The following SEMA5B variants were observed in gnomAD, a reference collection of about 807,000 sequenced individuals.
SEMA5B encodes the protein semaphorin 5B.
SEMA5B carries 66 observed loss-of-function variants against 135.0 expected under a neutral mutation model. The ratio of observed to expected loss-of-function variants is 0.49; its 90% confidence interval spans 0.40 to 0.60. The LOEUF (loss-of-function observed/expected upper bound fraction) is 0.60, where lower values mean the gene tolerates loss of function less well. Among genes scored for constraint, SEMA5B ranks in the 20% least tolerant of loss-of-function variants. The probability of loss-of-function intolerance (pLI) is 0.00; values close to 1 mark genes in which losing one functional copy is unlikely to be tolerated. For missense variants in SEMA5B, 1,501 were observed against 1,566.3 expected (o/e 0.96, Z 0.70); for synonymous variants, 690 against 639.5 (o/e 1.08, Z -1.19).
chr3:123,019,738 G>C (rs1023744571), intron 1 of SEMA5B, among the ~76,000 whole-genome samples: 8 of 152,234 alleles, frequency 5.3e-5, no homozygotes, highest in Non-Finnish European at 7.3e-5. Flanking sequence ...GGAAGGCATT[G>C]AGTGTTATGG....
chr3:122,939,437 G>C lies in SEMA5B; in HGVS notation c.462C>G (p.Val154=). 6.2e-7 allele frequency: 1 copy of C among 1,611,778 alleles called. No individual in the cohort carries two copies. The highest frequency in any genetic ancestry group is 1.1e-5 in the South Asian group (1 of 91,018). ...AAAGCAATCGTACCTGAAGAAGAGA[G>C]ACATTGGCAAGGCTGAGTCTGAAGA... ...NYLFRLSLAN[V]SLLQATEWAS... The change falls in exon 5 of 23, where the codon GTC becomes GTG. Residue 154 remains valine, a synonymous_variant. Transcript: ENST00000357599.
At chr3:122,946,612 C>A (rs916806634) in intron 3 of SEMA5B, among the ~76,000 whole-genome samples, 5 of 152,124 alleles carry the variant, frequency 3.3e-5, no homozygotes, top group Non-Finnish European at 7.3e-5. Context: ...CACAAGAGAA[C>A]CAGTCCTGGT....
At chr3:122,926,772 G>A in intron 8 of SEMA5B, 95 bp from the exon 9 acceptor site, 1 of 1,398,838 alleles carries the variant, frequency 7.1e-7, no homozygotes, top group Admixed American at 1.9e-5. Context: ...TTTCCCAGAT[G>A]GGCATCCTGA....
At chr3:122,968,008 C>T (rs1312300422) in intron 1 of SEMA5B, among the ~76,000 whole-genome samples, 2 of 152,246 alleles carry the variant, frequency 1.3e-5, no homozygotes, top group African/African-American at 2.4e-5. Context: ...AGAGCTAGCA[C>T]GTGTTCCACG....
chr3:122,958,064 A>C (rs1316529606), intron 2 of SEMA5B: 2 of 152,292 alleles, frequency 1.3e-5, no homozygotes, highest in Non-Finnish European at 2.9e-5. Context: ...CCAGAGAAAC[A>C]AATTCTAGAG....
chr3:122,977,592 C>T (rs1941376233), intron 1 of SEMA5B, among the ~76,000 whole-genome samples: 1 of 152,220 alleles, frequency 6.6e-6, no homozygotes, highest in African/African-American at 2.4e-5. Flanking sequence ...GCCTCTCATG[C>T]TCCTAGGATT....
chr3:123,006,345 TCA>T (rs1942309916), intron 1 of SEMA5B, among the ~76,000 whole-genome samples: 1 of 152,150 alleles, frequency 6.6e-6, no homozygotes, highest in South Asian at 2.1e-4. Flanking sequence ...CCTGTCACCC[TCA>T]GTCTCCAGGA....
intron 2 of SEMA5B, 31 bp downstream of exon 2, chr3:122,961,109 C>T (rs1940555043): frequency 8.3e-6 from 13 of 1,573,278 alleles, no homozygotes; most frequent in Admixed American, 3.5e-5. Flanking sequence ...GTACCTGCTG[C>T]AGCCCCCCAC....
intron 2 of SEMA5B, among the ~76,000 whole-genome samples, chr3:122,952,755 G>A (rs1181941474): frequency 6.6e-6 from 1 of 152,218 alleles, no homozygotes; most frequent in East Asian, 1.9e-4. Context: ...GAGGTGGATG[G>A]ATGTGGGGGA....
intron 5 of SEMA5B, among the ~76,000 whole-genome samples, chr3:122,929,974 G>A (rs560621702): frequency 1.3e-5 from 2 of 152,294 alleles, no homozygotes; most frequent in South Asian, 4.1e-4. Flanking sequence ...AACAGCCCTG[G>A]CGTGGCTCAT....
At chr3:122,956,877 G>T (rs930670585) in intron 2 of SEMA5B, among the ~76,000 whole-genome samples, 1 of 152,190 alleles carries the variant, frequency 6.6e-6, no homozygotes, top group Non-Finnish European at 1.5e-5. Flanking sequence ...GTGACGGGCT[G>T]CAGTCAGGCG....
chr3:122,933,096 C>G (rs1200798176), intron 5 of SEMA5B, among the ~76,000 whole-genome samples: 1 of 152,084 alleles, frequency 6.6e-6, no homozygotes, highest in Non-Finnish European at 1.5e-5. Flanking sequence ...CATCCCCCAA[C>G]CTCCATCTTC....
At chr3:122,921,856 C>T (rs922646503) in intron 12 of SEMA5B, 59 bp downstream of exon 12, 1 of 1,436,660 alleles carries the variant, frequency 7.0e-7, no homozygotes, top group Non-Finnish European at 9.2e-7. Context: ...TCCAAAGCCC[C>T]GCCTCTTAAG....
chr3:122,951,434 T>C (rs1045754748), intron 2 of SEMA5B, among the ~76,000 whole-genome samples: 7 of 152,194 alleles, frequency 4.6e-5, no homozygotes, highest in African/African-American at 1.7e-4. Flanking sequence ...GGCTACTCAA[T>C]AAAGTTTTAA....
chr3:122,941,228 A>G (rs1281667059), intron 4 of SEMA5B, among the ~76,000 whole-genome samples: 1 of 151,926 alleles, frequency 6.6e-6, no homozygotes, highest in Non-Finnish European at 1.5e-5. Context: ...CCAAAGACCC[A>G]CTACATTGGC....
At chr3:122,963,896 G>A (rs1576371473) in intron 1 of SEMA5B, among the ~76,000 whole-genome samples, 1 of 152,056 alleles carries the variant, frequency 6.6e-6, no homozygotes, top group Non-Finnish European at 1.5e-5. Context: ...GGTTCTCAAA[G>A]TTTCTATCCT....
intron 12 of SEMA5B, among the ~76,000 whole-genome samples, chr3:122,919,383 C>T (rs914052065): frequency 1.3e-5 from 2 of 152,092 alleles, no homozygotes; most frequent in Non-Finnish European, 2.9e-5. Context: ...AGCTCCTCCT[C>T]GTGGGAGCAC....
At chr3:122,994,726 T>A (rs1187704339) in intron 1 of SEMA5B, among the ~76,000 whole-genome samples, 1 of 152,182 alleles carries the variant, frequency 6.6e-6, no homozygotes, top group Non-Finnish European at 1.5e-5. Context: ...AATGTATCAA[T>A]TGTGTGACCT....
rs141421409 is a variant in SEMA5B at position 122,998,286 on chromosome 3, G to A, written c.-39+29178C>T. ...TGGGGTCGCTCACTCACAGCAGCCC[G>A]CAGAGGTTGGCCCTCAGACTGGAGG... On this transcript the variant is annotated intron_variant, in intron 1 of 22. Transcript: ENST00000357599. Among the ~76,000 whole-genome samples the A allele has an allele frequency of 3.9e-4, 60 of 152,248 alleles. 1 individual carries two copies. In the East Asian group the frequency reaches 0.01, roughly 26 times the overall value.
Sources: gnomAD v4.1 joint callset for allele counts (sites outside exome capture counted in the v4.1 genomes callset) on GRCh38, gnomAD v4.1.1 for gene constraint, MANE v1.5 for transcripts, NCBI Gene and HGNC (gene_info 2026-07-23, HGNC 2026-07-21) for gene names.